Variants in CSMD1 observed in about 807,000 individuals in gnomAD.
CSMD1 encodes CUB and sushi domain-containing protein 1.
A neutral mutation model predicts 417.5 loss-of-function variants in CSMD1; 213 were observed. The ratio of observed to expected loss-of-function variants is 0.51; its 90% confidence interval spans 0.46 to 0.57. The LOEUF (loss-of-function observed/expected upper bound fraction) is 0.57, where lower values mean the gene tolerates loss of function less well. Among genes scored for constraint, CSMD1 ranks in the 20% least tolerant of loss-of-function variants. The pLI, the probability that CSMD1 is intolerant of heterozygous loss-of-function variation, is 0.00. For synonymous variants in CSMD1, 2,862 were observed against 1,736.8 expected, an observed-to-expected ratio of 1.65 and a Z score of -16.11; for missense variants, 6,923 against 4,529.7, an observed-to-expected ratio of 1.53 and a Z score of -15.17.
intron 3 of CSMD1, among the ~76,000 whole-genome samples, chr8:4,080,270 T>C (rs1015690348): frequency 3.3e-5 from 5 of 152,148 alleles, no homozygotes; most frequent in African/African-American, 1.2e-4. Flanking sequence ...TGACTCCTAC[T>C]TGACAAGTGC....
chr8:4,445,499 G>T (rs1798729399), intron 2 of CSMD1, among the ~76,000 whole-genome samples: 1 of 152,142 alleles, frequency 6.6e-6, no homozygotes, highest in African/African-American at 2.4e-5. Context: ...CTTTCATAAA[G>T]CCAATTTTAT....
At chr8:4,619,895 G>C (rs1042548549) in intron 2 of CSMD1, among the ~76,000 whole-genome samples, 1 of 151,916 alleles carries the variant, frequency 6.6e-6, no homozygotes, top group Non-Finnish European at 1.5e-5. Flanking sequence ...ATAAATATTA[G>C]TACTGGGCCA....
intron 10 of CSMD1, among the ~76,000 whole-genome samples, chr8:3,518,089 A>G (rs978557283): frequency 1.3e-5 from 2 of 152,210 alleles, no homozygotes; most frequent in African/African-American, 4.8e-5. Context: ...TATAACTATA[A>G]AACAATATGA....
At chr8:3,695,813 T>C (rs13256218) in intron 7 of CSMD1, among the ~76,000 whole-genome samples, 87,674 of 152,028 alleles carry the variant, frequency 0.58, 25,449 homozygotes, top group Admixed American at 0.65. Context: ...GCAAACACTT[T>C]TCCAACTTAA....
intron 3 of CSMD1, among the ~76,000 whole-genome samples, chr8:4,216,487 T>G (rs1001857128): frequency 6.6e-6 from 1 of 152,208 alleles, no homozygotes; most frequent in Non-Finnish European, 1.5e-5. Context: ...ATTTTACTCA[T>G]TAATAGAATT....
At chr8:4,306,609 G>C (rs549696899) in intron 3 of CSMD1, among the ~76,000 whole-genome samples, 1 of 151,908 alleles carries the variant, frequency 6.6e-6, no homozygotes, top group Non-Finnish European at 1.5e-5. Context: ...TTTCCTTCTT[G>C]GCCTCTTCAA....
chr8:4,419,835 T>G (rs1797146400), intron 3 of CSMD1, 118 bp downstream of exon 3: 2 of 674,070 alleles, frequency 3.0e-6, no homozygotes, highest in Non-Finnish European at 5.2e-6. Flanking sequence ...AAGCCAAATG[T>G]CTACACCACG....
At chr8:3,416,077 G>A (rs935247230) in intron 12 of CSMD1, among the ~76,000 whole-genome samples, 1 of 152,028 alleles carries the variant, frequency 6.6e-6, no homozygotes, top group African/African-American at 2.4e-5. Flanking sequence ...GGAGACAGGT[G>A]GATCATGAGG....
intron 1 of CSMD1, among the ~76,000 whole-genome samples, chr8:4,727,400 A>T (rs147845338): frequency 7.9e-5 from 12 of 152,344 alleles, no homozygotes; most frequent in African/African-American, 2.9e-4. Flanking sequence ...GGAAAACTCC[A>T]TAAGTGCACT....
chr8:4,377,918 G>C (rs147649180), intron 3 of CSMD1, among the ~76,000 whole-genome samples: 20 of 152,282 alleles, frequency 1.3e-4, no homozygotes, highest in Non-Finnish European at 2.6e-4. Flanking sequence ...TACTTAAATT[G>C]GGAGGTACTT....
chr8:4,750,228 C>A (rs2607552), intron 1 of CSMD1, among the ~76,000 whole-genome samples: 109,297 of 151,708 alleles, frequency 0.72, 39,523 homozygotes, highest in Admixed American at 0.78. Flanking sequence ...ACGATGGTCT[C>A]GATCTCCCGA....
chr8:4,272,503 C>CA (rs1395067217), intron 3 of CSMD1, among the ~76,000 whole-genome samples: 3 of 152,028 alleles, frequency 2.0e-5, no homozygotes, highest in Non-Finnish European at 4.4e-5. Context: ...CACAGTATTT[C>CA]AAAAAATACA....
At chr8:4,242,185 A>G (rs1802444086) in intron 3 of CSMD1, among the ~76,000 whole-genome samples, 2 of 152,314 alleles carry the variant, frequency 1.3e-5, no homozygotes, top group South Asian at 4.1e-4. Flanking sequence ...TGGTATATTA[A>G]AAACTTTAAA....
intron 1 of CSMD1, among the ~76,000 whole-genome samples, chr8:4,887,143 C>A (rs973651086): frequency 1.3e-5 from 2 of 151,984 alleles, no homozygotes; most frequent in African/African-American, 4.8e-5. Context: ...CCCAGTTTTA[C>A]CTGCATTCCA....
intron 10 of CSMD1, among the ~76,000 whole-genome samples, chr8:3,499,002 T>A (rs894250306): frequency 2.0e-5 from 3 of 152,188 alleles, no homozygotes; most frequent in Non-Finnish European, 4.4e-5. Context: ...TGTCCTTTTC[T>A]TTGGGATATG....
chr8:3,570,055 G>C (rs1355476070), intron 10 of CSMD1, among the ~76,000 whole-genome samples: 1 of 152,132 alleles, frequency 6.6e-6, no homozygotes, highest in Non-Finnish European at 1.5e-5. Context: ...ACTTCTAAAA[G>C]GAGAGAAGAG....
intron 1 of CSMD1, among the ~76,000 whole-genome samples, chr8:4,939,916 T>C (rs72624084): frequency 0.23 from 35,640 of 152,046 alleles, 4,316 homozygotes; most frequent in East Asian, 0.38. Context: ...TAAATATATA[T>C]ACAATTTTGA....
intron 8 of CSMD1, among the ~76,000 whole-genome samples, chr8:3,591,059 G>A (rs1390622555): frequency 6.6e-6 from 1 of 152,150 alleles, no homozygotes; most frequent in Admixed American, 6.5e-5. Flanking sequence ...CCTTTCTATT[G>A]GCAAGTTACT....
intron 7 of CSMD1, among the ~76,000 whole-genome samples, chr8:3,681,033 G>A (rs1212167240): frequency 2.6e-5 from 4 of 152,102 alleles, no homozygotes; most frequent in East Asian, 1.9e-4. Flanking sequence ...TTGATGGGAC[G>A]TATCTCAAAC....
Sources: gnomAD v4.1 joint callset for allele counts (sites outside exome capture counted in the v4.1 genomes callset) on GRCh38, gnomAD v4.1.1 for gene constraint, MANE v1.5 for transcripts, NCBI Gene and HGNC (gene_info 2026-07-23, HGNC 2026-07-21) for gene names.